Variants in USH1C observed in about 807,000 individuals in gnomAD.
The protein encoded by USH1C is harmonin.
In USH1C, 90 loss-of-function variants were observed where a neutral mutation model predicts 119.3. That is an observed-to-expected ratio of 0.75 (90% CI 0.64 to 0.90). The LOEUF is 0.90. USH1C is among the 40% of genes least tolerant of loss of function. USH1C has a pLI of 0.00. For missense variants in USH1C, 1,165 were observed against 1,167.7 expected, an observed-to-expected ratio of 1.00 and a Z score of 0.03; for synonymous variants, 465 against 443.3, an observed-to-expected ratio of 1.05 and a Z score of -0.62.
chr11:17,498,950 G>A (rs1413603485), intron 23 of USH1C, among the ~76,000 whole-genome samples: 1 of 152,178 alleles, frequency 6.6e-6, no homozygotes, highest in Non-Finnish European at 1.5e-5. Flanking sequence ...ACACAAAATA[G>A]GACCTCAGTA....
At chr11:17,506,836 A>G (rs1277865190) in intron 18 of USH1C, among the ~76,000 whole-genome samples, 1 of 151,272 alleles carries the variant, frequency 6.6e-6, no homozygotes, top group Non-Finnish European at 1.5e-5. Flanking sequence ...GCGGGTGCCT[A>G]CTTTTCTTTG....
At chr11:17,542,921 C>T (rs1851527257) in intron 1 of USH1C, among the ~76,000 whole-genome samples, 1 of 152,218 alleles carries the variant, frequency 6.6e-6, no homozygotes. Context: ...TATCACCCAC[C>T]CCTGGGAGCA....
intron 1 of USH1C, among the ~76,000 whole-genome samples, chr11:17,540,928 C>G (rs989978208): frequency 6.6e-6 from 1 of 152,146 alleles, no homozygotes. Context: ...CCATGGCCTA[C>G]CAGGCCCCTA....
In USH1C at chr11:17,509,892, T is replaced by G. The variant is rs967854204; in HGVS notation, c.1531-54A>C. ...TTGTCACTCTGCTTAGAGCTCCACT[T>G]CACAATACAGCGAGCACTATGCTCT... On this transcript the variant is annotated intron_variant, in intron 17 of 26. Transcript: ENST00000005226. The G allele has an allele frequency of 4.5e-6, 7 of 1,553,356 alleles. No individual in the cohort carries two copies. In the Admixed American group the frequency reaches 1.2e-4, roughly 27 times the overall value.
At chr11:17,511,833 G>GGGAGCACATGGAGAACGACCAC in intron 16 of USH1C, 69 bp downstream of exon 16, 1 of 1,550,014 alleles carries the variant, frequency 6.5e-7, no homozygotes, top group Non-Finnish European at 8.7e-7. Context: ...CTGGTCCTCT[G>GGGAGCACATGGAGAACGACCAC]GGAGCACATG....
rs1211415881 is a variant in USH1C, at chr11:17,495,636, A to G, written c.2588T>C (p.Val863Ala). Residue 863 changes from valine (V) to alanine (A), a missense_variant, in exon 26 of 27, where the codon GTC becomes GCC. Coordinates refer to ENST00000005226, the MANE Select transcript of USH1C (RefSeq NM_153676.4). ...PSSVAESPQP[V>A]RKLLEDRAAV... Reference sequence around the variant, plus strand: ...AGCACGGTCTTCAAGGAGCTTTCGGACCGGTTGGGGGCTTTCAGCTACGGA... The same window carrying G: ...AGCACGGTCTTCAAGGAGCTTTCGGGCCGGTTGGGGGCTTTCAGCTACGGA... 1 of 1,614,144 alleles carries G rather than the reference A, an allele frequency of 6.2e-7. No homozygotes were observed. The highest frequency in any genetic ancestry group is 1.1e-5 in the South Asian group (1 of 91,072).
rs750363411 is a variant in USH1C, at chr11:17,498,279, C to A, written c.2381-8G>T. 6.2e-7 allele frequency: 1 copy of A among 1,613,962 alleles called. No individual in the cohort carries two copies. The highest frequency in any genetic ancestry group is 1.1e-5 in the South Asian group (1 of 91,076). ...CCCCTTTCACAATGCCACCTGCAGG[C>A]AGATGAGGCTGATTGGCCAACTGGG... On this transcript the variant is annotated splice_polypyrimidine_tract_variant and splice_region_variant and intron_variant, in intron 23 of 26. Transcript: ENST00000005226.
chr11:17,523,799 T>C (rs1375508926), intron 9 of USH1C, among the ~76,000 whole-genome samples: 1 of 152,246 alleles, frequency 6.6e-6, no homozygotes, highest in African/African-American at 2.4e-5. Flanking sequence ...TTTGAGCTTC[T>C]CATTTAGCAC....
At position 17,511,893 on chromosome 11, in the gene USH1C, G is replaced by T; in HGVS notation, c.1413+9C>A. 6.2e-7 allele frequency: 1 copy of T among 1,612,294 alleles called. No homozygotes were observed. Among genetic ancestry groups the T allele is most frequent in the South Asian group, 1.1e-5 (1 of 90,734 alleles). On this transcript the variant is annotated intron_variant, in intron 16 of 26. Transcript: ENST00000005226. ...GGTTGCTTGCCTGGCCTGCAGGCAG[G>T]ACACATACCTCCTGGGCCAGCCGGT...
In USH1C at chr11:17,509,629, A is replaced by G. The variant is rs200085788; in HGVS notation, c.1740T>C (p.Pro580=). 591 of 1,232,128 alleles carry G rather than the reference A, an allele frequency of 4.8e-4. 4 individuals carry two copies. In the East Asian group the frequency reaches 0.022, roughly 46 times the overall value. The allele number at this position is 1,232,128 out of a possible 1,614,324, so 76.3% of individuals were successfully genotyped here. A position where few individuals can be genotyped will look rare whatever the true frequency, so the allele number is the denominator to read the frequency against. Residue 580 remains proline, a synonymous_variant, in exon 18 of 27, where the codon CCT becomes CCC. Coordinates refer to ENST00000005226, the MANE Select transcript of USH1C (RefSeq NM_153676.4). The part of the protein sequence containing the change: ...SNPPHKVPAP[P]VLPLSGHVSA... ...TCACATGGCCAGATAAGGGAAGGAC[A>G]GGGGGCGCCGGGACCTTGTGGGGTG...
chr11:17,512,184 T>G (rs1175198079), intron 15 of USH1C, 130 bp from the exon 16 acceptor site: 2 of 1,029,514 alleles, frequency 1.9e-6, no homozygotes, highest in Non-Finnish European at 3.0e-6. Context: ...CTCTCACCAC[T>G]CTGGACATCA....
chr11:17,526,941 G>T, intron 6 of USH1C, 75 bp downstream of exon 6: 1 of 1,566,566 alleles, frequency 6.4e-7, no homozygotes, highest in South Asian at 1.2e-5. Flanking sequence ...GGCATGGTGG[G>T]AGCCGGACCC....
At chr11:17,526,223 C>A in intron 8 of USH1C, 124 bp downstream of exon 8, 2 of 786,706 alleles carry the variant, frequency 2.5e-6, no homozygotes, top group Non-Finnish European at 4.3e-6. Flanking sequence ...TATCATCACC[C>A]ATGGACAGTC....
At chr11:17,516,458 G>T (rs549881866) in intron 14 of USH1C, 168 bp from the exon 15 acceptor site, 125 of 721,640 alleles carry the variant, frequency 1.7e-4, no homozygotes, top group Admixed American at 1.1e-3. Context: ...GGCTTACCTG[G>T]CCTTGCCTTG....
intron 18 of USH1C, among the ~76,000 whole-genome samples, chr11:17,507,283 A>C (rs1849687836): frequency 6.6e-6 from 1 of 152,210 alleles, no homozygotes; most frequent in Non-Finnish European, 1.5e-5. Context: ...AGGCTGGGAC[A>C]ACCCTGGCTT....
rs1456211329 is a variant in USH1C at position 17,516,369 on chromosome 11, G to A, written c.1211-79C>T. 7 of 1,426,090 alleles carry A rather than the reference G, an allele frequency of 4.9e-6. No individual in the cohort carries two copies. In the South Asian group the frequency reaches 8.5e-5, roughly 17 times the overall value. 88.3% of individuals were successfully genotyped at this position (1,426,090 alleles called of 1,614,324 possible). A position where few individuals can be genotyped will look rare whatever the true frequency, so the allele number is the denominator to read the frequency against. ...TCCATGGGCAGCAGATGGGAGCTGG[G>A]TTCCCAAGGAATGCATGACTTTGTG... On this transcript the variant is annotated intron_variant, in intron 14 of 26. Transcript: ENST00000005226.
chr11:17,523,930 C>G (rs2133883002), intron 9 of USH1C, among the ~76,000 whole-genome samples: 1 of 152,316 alleles, frequency 6.6e-6, no homozygotes, highest in Middle Eastern at 3.4e-3. Flanking sequence ...TGGAAGAAAG[C>G]CTGTATTATC....
intron 15 of USH1C, 118 bp from the exon 16 acceptor site, chr11:17,512,172 C>G: frequency 8.7e-7 from 1 of 1,149,212 alleles, no homozygotes. Flanking sequence ...CCTCCCCCAG[C>G]TCTCTCACCA....
intron 21 of USH1C, among the ~76,000 whole-genome samples, 198 bp from the exon 22 acceptor site, chr11:17,501,733 G>T (rs974008979): frequency 2.6e-5 from 4 of 152,102 alleles, no homozygotes; most frequent in African/African-American, 9.7e-5. Context: ...ACACACACAC[G>T]TGCATGTGCA....
Sources: allele counts gnomAD v4.1 joint callset (sites outside exome capture counted in the v4.1 genomes callset), GRCh38; gene constraint gnomAD v4.1.1; transcripts MANE v1.5; gene names NCBI Gene and HGNC (gene_info 2026-07-23, HGNC 2026-07-21).